ZFC3H1: variants seen among roughly 807,000 people sequenced by gnomAD.
ZFC3H1 encodes zinc finger C3H1 domain-containing protein.
ZFC3H1 carries 71 observed loss-of-function variants against 243.7 expected under a neutral mutation model. The observed-to-expected ratio is 0.29, with a 90% confidence interval of 0.24 to 0.36. ZFC3H1 has a LOEUF of 0.36. Among genes scored for constraint, ZFC3H1 ranks in the 10% least tolerant of loss-of-function variants. The pLI is 1.00. For synonymous variants in ZFC3H1, 838 were observed against 813.0 expected (o/e 1.03, Z -0.52); for missense variants, 1,966 against 2,317.1 (o/e 0.85, Z 3.11).
At chr12:71,614,967 T>C (rs1162159008) in intron 28 of ZFC3H1, 29 bp from the exon 29 acceptor site, 1 of 1,529,532 alleles carries the variant, frequency 6.5e-7, no homozygotes, top group African/African-American at 1.4e-5. Context: ...AAAACATATG[T>C]CTATCATTCA....
At chr12:71,662,269 T>C (rs552274484) in intron 1 of ZFC3H1, among the ~76,000 whole-genome samples, 3 of 152,338 alleles carry the variant, frequency 2.0e-5, no homozygotes, top group Admixed American at 6.5e-5. Context: ...ACCCGTAATC[T>C]CCACCCTCGC....
At chr12:71,614,398 TAGTC>T in intron 30 of ZFC3H1, 133 bp downstream of exon 30, 1 of 742,704 alleles carries the variant, frequency 1.3e-6, no homozygotes, top group East Asian at 3.1e-5. Context: ...ATAAGAAACA[TAGTC>T]AAGAATAATA....
chr12:71,647,532 T>C (rs142459642), intron 3 of ZFC3H1, among the ~76,000 whole-genome samples: 280 of 152,260 alleles, frequency 1.8e-3, no homozygotes, highest in Non-Finnish European at 3.3e-3. Flanking sequence ...TATGAATATA[T>C]ATAACACTTT....
chr12:71,624,986 A>T (rs998988087), intron 22 of ZFC3H1, among the ~76,000 whole-genome samples: 1 of 152,212 alleles, frequency 6.6e-6, no homozygotes, highest in African/African-American at 2.4e-5. Context: ...TTAAAAAGAA[A>T]GAAAGGAAAT....
intron 27 of ZFC3H1, among the ~76,000 whole-genome samples, chr12:71,617,235 A>G (rs538636159): frequency 3.3e-5 from 5 of 152,338 alleles, no homozygotes; most frequent in South Asian, 2.1e-4. Context: ...TCAATATACA[A>G]TAAGTATGGC....
chr12:71,656,356 TATC>T, intron 2 of ZFC3H1: 1 of 407,226 alleles, frequency 2.5e-6, no homozygotes. Flanking sequence ...AAAAATGGTA[TATC>T]ATAAACTGTA....
chr12:71,645,518 GAAC>G (rs1452783360), intron 3 of ZFC3H1, among the ~76,000 whole-genome samples: 22 of 152,124 alleles, frequency 1.4e-4, no homozygotes, highest in Admixed American at 2.0e-4. Flanking sequence ...CAGTAATAGA[GAAC>G]AACAGACACA....
At chr12:71,653,348 G>T (rs1164123838) in intron 2 of ZFC3H1, among the ~76,000 whole-genome samples, 1 of 152,204 alleles carries the variant, frequency 6.6e-6, no homozygotes, top group African/African-American at 2.4e-5. Flanking sequence ...TCCAGAATTT[G>T]TCAATTACAA....
intron 19 of ZFC3H1, 53 bp downstream of exon 19, chr12:71,629,556 T>TATAC: frequency 1.4e-6 from 1 of 690,554 alleles, no homozygotes; most frequent in Non-Finnish European, 2.5e-6. Context: ...AGAGATACAG[T>TATAC]ACACACACAC....
At position 71,632,448 on chromosome 12, in the gene ZFC3H1, T is replaced by C. The variant is rs772173894; in HGVS notation, c.2884A>G (p.Ile962Val). ...SSPRKHSAEL[I>V]AMEKRRLQKL... ...TGTAACCGTCTTTTCTCCATAGCAA[T>C]TAGTTCTGCTGAATGCTTTCTTGGA... The change falls in exon 15 of 35, where the codon ATT becomes GTT. Residue 962 changes from isoleucine to valine, a missense_variant. Transcript: ENST00000378743. 2.5e-6 allele frequency: 4 copies of C among 1,605,470 alleles called. No homozygotes were observed. The Admixed American group carries it at 6.7e-5, about 27-fold the overall frequency.
rs777244780 is a variant in ZFC3H1 at position 71,663,406 on chromosome 12, C to T, written c.205G>A (p.Gly69Ser). ...GACGATGACGAGGAAGAGCCACCGC[C>T]TCCGCCAGATCCACCGCCCCGGGCC... ...HSARGGGSGG[G>S]GGSSSSSSSS... Residue 69 changes from glycine to serine, a missense_variant, in exon 1 of 35, where the codon GGC becomes AGC. Coordinates refer to ENST00000378743, the MANE Select transcript of ZFC3H1 (RefSeq NM_144982.5). The T allele has an allele frequency of 2.5e-6, 4 of 1,612,006 alleles. No individual in the cohort carries two copies. The highest frequency in any genetic ancestry group is 2.2e-5 in the East Asian group (1 of 44,884).
Position 71,624,254 on chromosome 12 carries a change from G to A in ZFC3H1, c.4356C>T (p.Tyr1452=), listed in dbSNP as rs773180133. The change falls in exon 23 of 35, where the codon TAC becomes TAT. Residue 1452 remains tyrosine (Y), a synonymous_variant. Coordinates refer to ENST00000378743, the MANE Select transcript of ZFC3H1 (RefSeq NM_144982.5). ...GAAACTCCAACATTCTCTCACATAC[G>A]TAATCCTTTTCTTCAAAGGTACTTT... ...HLESTFEEKD[Y]VCERMLEFLM... 22 of 1,612,854 alleles carry A rather than the reference G, an allele frequency of 1.4e-5. No homozygotes were observed. Among genetic ancestry groups the A allele is most frequent in the South Asian group, 6.6e-5 (6 of 90,954 alleles).
At position 71,630,555 on chromosome 12, in the gene ZFC3H1, T is replaced by G. The variant is rs780078301; in HGVS notation, c.3724+45A>C. 7 of 1,579,420 alleles carry G rather than the reference T, an allele frequency of 4.4e-6. 1 individual carries two copies. The South Asian group carries it at 8.2e-5, about 19-fold the overall frequency. On this transcript the variant is annotated intron_variant, in intron 18 of 34. Transcript: ENST00000378743. ...ACTAATATAGAATTTTTAAGTTGCC[T>G]AAATTCAATTTTCATTTGGGAGAGA...
At chr12:71,624,384 A>G in intron 22 of ZFC3H1, 92 bp from the exon 23 acceptor site, 1 of 1,328,660 alleles carries the variant, frequency 7.5e-7, no homozygotes, top group Admixed American at 2.3e-5. Flanking sequence ...ACCATCTCAT[A>G]GTAAATCTTC....
chr12:71,647,479 A>C lies in ZFC3H1; in HGVS notation c.1080+270T>G, dbSNP rs1436721779. Among the ~76,000 whole-genome samples the C allele has an allele frequency of 6.6e-5, 10 of 152,318 alleles. No individual in the cohort carries two copies. The East Asian group carries it at 1.7e-3, about 26-fold the overall frequency. On this transcript the variant is annotated intron_variant, in intron 3 of 34. Transcript: ENST00000378743. ...AAAATGGAGAAAATATCTGGATCAA[A>C]ATTAAAGGTTTCAAAAAACAAATGA... is the stretch of plus-strand genomic sequence containing the variant.
rs1879847661 is a variant in ZFC3H1, at chr12:71,614,488, T to A, written c.5526+47A>T. On this transcript the variant is annotated intron_variant, in intron 30 of 34. Coordinates refer to ENST00000378743, the MANE Select transcript of ZFC3H1 (RefSeq NM_144982.5). ...GAGTTTTGCTATCATTTTTAAAGTCTCTTTGTTTTACACAAATATCTAAAG... is the reference window on the plus strand; with the variant it reads ...GAGTTTTGCTATCATTTTTAAAGTCACTTTGTTTTACACAAATATCTAAAG... 4 of 1,505,870 alleles carry A rather than the reference T, an allele frequency of 2.7e-6. No homozygotes were observed. The East Asian group carries it at 9.3e-5, about 35-fold the overall frequency. The allele number at this position is 1,505,870 out of a possible 1,614,324, so 93.3% of individuals were successfully genotyped here.
chr12:71,642,297 C>A (rs1880620165), intron 6 of ZFC3H1, 139 bp downstream of exon 6: 1 of 927,270 alleles, frequency 1.1e-6, no homozygotes, highest in South Asian at 2.7e-5. Flanking sequence ...TTTACAACAA[C>A]AAATAATGTC....
Position 71,627,890 on chromosome 12 carries a change from C to A in ZFC3H1, c.3991G>T (p.Val1331Phe). The A allele has an allele frequency of 6.2e-7, 1 of 1,613,270 alleles. No individual in the cohort carries two copies. Among genetic ancestry groups the A allele is most frequent in the Non-Finnish European group, 8.5e-7 (1 of 1,179,754 alleles). ...NQINVPALDTVVTPDDVRYFT... is the reference protein window; with the variant it reads ...NQINVPALDTFVTPDDVRYFT... ...TATCTGACATCATCTGGAGTGACAA[C>A]TGTATCCAGAGCTGGAACATTTATT... is the stretch of plus-strand genomic sequence containing the variant. Residue 1331 changes from valine to phenylalanine, a missense_variant, in exon 21 of 35, where the codon GTT (valine) becomes TTT (phenylalanine). Around this residue, in one of 4 missense-constraint regions of ZFC3H1, gnomAD observed 1,383 missense variants for 1,723.7 expected, o/e 0.80. Transcript: ENST00000378743.
rs771961253 is a variant in ZFC3H1 at position 71,626,412 on chromosome 12, C to T, written c.4165G>A (p.Val1389Ile). 1.7e-5 allele frequency: 27 copies of T among 1,613,766 alleles called. No homozygotes were observed. The highest frequency in any genetic ancestry group is 1.4e-5 in the Non-Finnish European group (17 of 1,179,940). ...TTATTTTCCAATGCTCGCGCCAGAACATTTAAAGCAGAATCCAAGGATTCT... is the reference window on the plus strand; with the variant it reads ...TTATTTTCCAATGCTCGCGCCAGAATATTTAAAGCAGAATCCAAGGATTCT... ...CSESLDSALN[V>I]LARALENNKD... Residue 1389 changes from valine to isoleucine, a missense_variant, in exon 22 of 35, where the codon GTT (valine) becomes ATT (isoleucine). Physicochemically the swap from Val to Ile is conservative, Grantham distance 29. Around this residue, in one of 4 missense-constraint regions of ZFC3H1, gnomAD observed 1,383 missense variants for 1,723.7 expected, o/e 0.80. Coordinates refer to ENST00000378743, the MANE Select transcript of ZFC3H1 (RefSeq NM_144982.5).
Sources: allele counts gnomAD v4.1 joint callset (sites outside exome capture counted in the v4.1 genomes callset), GRCh38; gene constraint gnomAD v4.1.1; regional missense constraint gnomAD v4.1.1; transcripts MANE v1.5; gene names NCBI Gene and HGNC (gene_info 2026-07-23, HGNC 2026-07-21).